RP1: variants seen among roughly 807,000 people sequenced by gnomAD.
RP1 encodes oxygen-regulated protein 1.
RP1 carries 16 observed loss-of-function variants against 14.8 expected under a neutral mutation model. The observed-to-expected ratio is 1.08, with a 90% CI of 0.73 to 1.65. RP1 has a LOEUF of 1.65. RP1 is among the 40% of genes most tolerant of loss of function. RP1 has a pLI of 0.00. For missense variants in RP1, 2,631 were observed against 2,535.0 expected (o/e 1.04, Z -0.81); for synonymous variants, 876 against 883.6 (o/e 0.99, Z 0.15).
chr8:54,767,070 T>G (rs1267123196), intron 22 of RP1, among the ~76,000 whole-genome samples: 2 of 152,202 alleles, frequency 1.3e-5, no homozygotes, highest in Non-Finnish European at 2.9e-5. Flanking sequence ...GTAGGATGGT[T>G]GTTTGTTGAC....
At chr8:54,701,088 G>C (rs1050423590) in intron 13 of RP1, among the ~76,000 whole-genome samples, 1 of 151,946 alleles carries the variant, frequency 6.6e-6, no homozygotes, top group African/African-American at 2.4e-5. Flanking sequence ...TTCTCAATTT[G>C]TTTCATTTTT....
chr8:54,705,759 T>C (rs187960159), intron 14 of RP1, among the ~76,000 whole-genome samples: 42 of 152,000 alleles, frequency 2.8e-4, no homozygotes, highest in African/African-American at 9.9e-4. Context: ...TGTTGTTGAG[T>C]ATGGTCCTTA....
At chr8:54,600,449 G>A (rs1805249136) in intron 1 of RP1, among the ~76,000 whole-genome samples, 2 of 152,066 alleles carry the variant, frequency 1.3e-5, no homozygotes, top group Non-Finnish European at 1.5e-5. Flanking sequence ...GCGGGGAGTT[G>A]GGGAGGGATT....
At chr8:54,615,725 A>T (rs1270479019), upstream of RP1, among the ~76,000 whole-genome samples, 1 of 152,242 alleles carries the variant, frequency 6.6e-6, no homozygotes, top group East Asian at 1.9e-4. Flanking sequence ...TTAAATGATT[A>T]CCAGGAGCAA....
At chr8:54,728,194 A>C (rs540577120) in intron 17 of RP1, among the ~76,000 whole-genome samples, 38 of 152,266 alleles carry the variant, frequency 2.5e-4, no homozygotes, top group African/African-American at 9.1e-4. Context: ...GTCTTTATGT[A>C]TGAATATTTC....
At position 54,752,882 on chromosome 8, in the gene RP1, C is replaced by T. The variant is rs187294995; in HGVS notation, c.2809-1921C>T. ...AAAGAATGATATAATCCAAAGAGAA[C>T]ATTTCCAAGTTCAGTAGAATATATT... On this transcript the variant is annotated intron_variant, in intron 19 of 22. Transcript: ENST00000636932. Among the ~76,000 whole-genome samples the T allele has an allele frequency of 3.7e-3, 566 of 152,300 alleles. 3 individuals carry two copies. The highest frequency in any genetic ancestry group is 6.8e-3 in the Middle Eastern group (2 of 294).
intron 24 of RP1, among the ~76,000 whole-genome samples, chr8:54,831,815 C>A (rs2129401322): frequency 6.6e-6 from 1 of 151,320 alleles, no homozygotes; most frequent in Admixed American, 6.6e-5. Flanking sequence ...AAGAACTTCT[C>A]TTTGCATTTT....
At chr8:54,840,927 C>G (rs939942907) in intron 25 of RP1, among the ~76,000 whole-genome samples, 3 of 152,192 alleles carry the variant, frequency 2.0e-5, no homozygotes, top group Admixed American at 6.5e-5. Context: ...TTCTCAGGCT[C>G]TGACATATCA....
At chr8:54,796,474 A>G (rs1018110682) in intron 24 of RP1, among the ~76,000 whole-genome samples, 2 of 152,222 alleles carry the variant, frequency 1.3e-5, no homozygotes, top group African/African-American at 4.8e-5. Context: ...TAGGCTCTTT[A>G]CAGATTTAAT....
intron 26 of RP1, among the ~76,000 whole-genome samples, chr8:54,854,746 T>C (rs1171369278): frequency 1.3e-5 from 2 of 152,106 alleles, no homozygotes; most frequent in Non-Finnish European, 2.9e-5. Context: ...GCGCCTGTAG[T>C]CTCAGCTACT....
Position 54,578,850 on chromosome 8 carries a change from G to A in RP1, c.-13+19530G>A, listed in dbSNP as rs530316835. ...TACTGTAGCTGAGGAAACAGTCTCA[G>A]GGCAGTTAAGTTCCTTAACAAAAGT... On this transcript the variant is annotated intron_variant, in intron 1 of 22. Coordinates refer to the RP1 transcript ENST00000636932. Among the ~76,000 whole-genome samples the A allele has an allele frequency of 9.9e-4, 150 of 152,258 alleles. 1 individual carries two copies. Among genetic ancestry groups the A allele is most frequent in the South Asian group, 4.1e-3 (20 of 4,824 alleles).
intron 4 of RP1, among the ~76,000 whole-genome samples, chr8:54,651,642 CT>C (rs1429167734): frequency 6.6e-6 from 1 of 152,060 alleles, no homozygotes; most frequent in African/African-American, 2.4e-5. Flanking sequence ...TAGCAATTCT[CT>C]TTGCTAACAT....
chr8:54,647,691 C>CTT (rs558859683), intron 3 of RP1, among the ~76,000 whole-genome samples: 21 of 148,074 alleles, frequency 1.4e-4, no homozygotes, highest in African/African-American at 4.9e-4. Flanking sequence ...TGTTTTATTC[C>CTT]TTTTTTTTTT....
At chr8:54,667,698 T>C (rs1273738061) in intron 7 of RP1, among the ~76,000 whole-genome samples, 1 of 152,120 alleles carries the variant, frequency 6.6e-6, no homozygotes, top group African/African-American at 2.4e-5. Flanking sequence ...AAATGAATTG[T>C]TGTATTTGTA....
exon 15 of RP1, chr8:54,706,597 A>G: frequency 6.5e-7 from 1 of 1,536,102 alleles, no homozygotes; most frequent in Non-Finnish European, 8.7e-7. Flanking sequence ...TGCATGTTTG[A>G]AAGTGTGAAA....
intron 5 of RP1, among the ~76,000 whole-genome samples, chr8:54,655,507 A>G (rs1806736859): frequency 6.6e-6 from 1 of 152,162 alleles, no homozygotes; most frequent in Non-Finnish European, 1.5e-5. Context: ...AGGGGGAACC[A>G]TATCAGTTTG....
At chr8:54,695,219 T>C (rs1169751386) in intron 12 of RP1, among the ~76,000 whole-genome samples, 2 of 152,174 alleles carry the variant, frequency 1.3e-5, no homozygotes, top group Non-Finnish European at 2.9e-5. Context: ...TTGCATTTGC[T>C]GAGGAATGCT....
At chr8:54,841,337 A>G (rs1811784735) in intron 25 of RP1, among the ~76,000 whole-genome samples, 1 of 152,236 alleles carries the variant, frequency 6.6e-6, no homozygotes, top group Non-Finnish European at 1.5e-5. Context: ...TTATGAAGCT[A>G]TTATACTTAT....
intron 12 of RP1, among the ~76,000 whole-genome samples, chr8:54,681,196 C>T (rs1807419481): frequency 6.6e-6 from 1 of 151,984 alleles, no homozygotes. Context: ...GCAGATGTGG[C>T]CACAAAAATA....
Sources: allele counts gnomAD v4.1 joint callset (sites outside exome capture counted in the v4.1 genomes callset), GRCh38; gene constraint gnomAD v4.1.1; transcripts MANE v1.5; gene names NCBI Gene and HGNC (gene_info 2026-07-23, HGNC 2026-07-21).